The following PTCHD4 variants were observed in gnomAD, a reference collection of about 807,000 sequenced individuals.
The protein encoded by PTCHD4 is patched domain containing 4.
In PTCHD4, 33 loss-of-function variants were observed where a neutral mutation model predicts 58.1. That is an observed-to-expected ratio of 0.57 (90% CI 0.43 to 0.76). The LOEUF is 0.76. PTCHD4 is among the 30% of genes least tolerant of loss of function. The pLI is 0.00. For synonymous variants in PTCHD4, 478 were observed against 409.6 expected (o/e 1.17, Z -2.02); for missense variants, 1,058 against 1,027.1 (o/e 1.03, Z -0.41).
chr6:47,958,578 G>A (rs1766958478), intron 4 of PTCHD4, among the ~76,000 whole-genome samples: 1 of 152,182 alleles, frequency 6.6e-6, no homozygotes, highest in African/African-American at 2.4e-5. Flanking sequence ...TTGAGACGGA[G>A]CTGAGGGTGT....
intron 3 of PTCHD4, among the ~76,000 whole-genome samples, chr6:48,016,381 A>G (rs1762870889): frequency 6.6e-6 from 1 of 152,058 alleles, no homozygotes; most frequent in Non-Finnish European, 1.5e-5. Context: ...ATTTACTTTC[A>G]AAAGTTCTCA....
At chr6:47,970,539 A>G (rs2113986721) in intron 4 of PTCHD4, among the ~76,000 whole-genome samples, 1 of 152,092 alleles carries the variant, frequency 6.6e-6, no homozygotes, top group East Asian at 1.9e-4. Flanking sequence ...AGGCAGTTAG[A>G]CCCATGGGTA....
intron 4 of PTCHD4, among the ~76,000 whole-genome samples, chr6:47,948,303 A>G (rs777925625): frequency 1.3e-5 from 2 of 152,210 alleles, no homozygotes; most frequent in Non-Finnish European, 2.9e-5. Context: ...CAAAGCCAGC[A>G]ATGACGAGAG....
intron 3 of PTCHD4, among the ~76,000 whole-genome samples, chr6:48,038,943 T>C (rs1474009742): frequency 1.3e-5 from 2 of 152,172 alleles, no homozygotes; most frequent in African/African-American, 4.8e-5. Flanking sequence ...ACTTATTCTG[T>C]AGGTGTGAAT....
rs1293868536 is a variant in PTCHD4, at chr6:48,068,031, G to T, written c.417+199C>A. Among the ~76,000 whole-genome samples the T allele has an allele frequency of 6.6e-6, 1 of 151,982 alleles. No individual in the cohort carries two copies. Among genetic ancestry groups the T allele is most frequent in the Non-Finnish European group, 1.5e-5 (1 of 68,004 alleles). On this transcript the variant is annotated intron_variant, in intron 3 of 4. Coordinates refer to ENST00000339488, the MANE Select transcript of PTCHD4 (RefSeq NM_001384253.1). This position sits in a 1 kb window ranked among gnomAD's most constrained non-coding sequence, Gnocchi z 4.2. ...AAATGAAGTGCTGCCTCTTTAATTG[G>T]CAGAAGCATGCAGAAGGAGCATACC...
intron 4 of PTCHD4, among the ~76,000 whole-genome samples, chr6:47,962,690 T>G (rs765433213): frequency 5.5e-4 from 84 of 152,146 alleles, no homozygotes; most frequent in Non-Finnish European, 1.8e-4. Context: ...TCAGCCATGC[T>G]GAACTGTGAG....
rs75982169 is a variant in PTCHD4 at position 47,878,103 on chromosome 6, G to T, written c.*200C>A. On this transcript the variant is annotated 3_prime_UTR_variant, in exon 5 of 5. Coordinates refer to ENST00000339488, the MANE Select transcript of PTCHD4 (RefSeq NM_001384253.1). The stretch of plus-strand genomic sequence containing the variant: ...AAACTTGTTTTTAGAGGAGAACAAG[G>T]TTGCAAATAACTTTTTCCTCTTTTT... 4.8e-3 allele frequency: 2,344 copies of T among 486,520 alleles called. 53 individuals are homozygous for T. Among genetic ancestry groups the T allele is most frequent in the African/African-American group, 0.042 (2,148 of 50,626 alleles). The allele number at this position is 486,520 out of a possible 1,614,324, so 30.1% of individuals were successfully genotyped here.
chr6:47,913,726 C>A (rs1765140468), intron 4 of PTCHD4, among the ~76,000 whole-genome samples: 1 of 152,078 alleles, frequency 6.6e-6, no homozygotes, highest in Non-Finnish European at 1.5e-5. Flanking sequence ...TTTCAAGGCT[C>A]CAGTTATTTC....
At chr6:47,947,416 C>T (rs111658521) in intron 4 of PTCHD4, among the ~76,000 whole-genome samples, 5,062 of 152,046 alleles carry the variant, frequency 0.033, 151 homozygotes, top group African/African-American at 0.075. Flanking sequence ...GTATCTCACA[C>T]CTTCCTTTTG....
At chr6:47,947,394 A>G (rs1408093913) in intron 4 of PTCHD4, among the ~76,000 whole-genome samples, 2 of 151,796 alleles carry the variant, frequency 1.3e-5, no homozygotes, top group South Asian at 4.1e-4. Flanking sequence ...TCTTTTATTC[A>G]TGTTTCTTTT....
At chr6:47,938,938 T>C (rs888038781) in intron 4 of PTCHD4, among the ~76,000 whole-genome samples, 1 of 151,810 alleles carries the variant, frequency 6.6e-6, no homozygotes, top group Non-Finnish European at 1.5e-5. Context: ...GTACTGGAGG[T>C]CACAGTCGAG....
At chr6:47,966,799 G>A (rs922319092) in intron 4 of PTCHD4, among the ~76,000 whole-genome samples, 2 of 152,128 alleles carry the variant, frequency 1.3e-5, no homozygotes, top group African/African-American at 4.8e-5. Flanking sequence ...TGAGGTTGCA[G>A]CAATTCAGTC....
At chr6:48,032,111 T>A (rs1562017251) in intron 3 of PTCHD4, among the ~76,000 whole-genome samples, 1 of 151,762 alleles carries the variant, frequency 6.6e-6, no homozygotes, top group Admixed American at 6.6e-5. Flanking sequence ...TATAAAGCAA[T>A]GACACATTGT....
At chr6:48,033,572 C>T (rs776721042) in intron 3 of PTCHD4, among the ~76,000 whole-genome samples, 9 of 151,650 alleles carry the variant, frequency 5.9e-5, no homozygotes, top group Admixed American at 6.6e-5. Flanking sequence ...TATGTATGGC[C>T]TTTTTCACAG....
At chr6:48,071,499 T>G (rs1416508719) in intron 1 of PTCHD4, among the ~76,000 whole-genome samples, 1 of 152,210 alleles carries the variant, frequency 6.6e-6, no homozygotes, top group African/African-American at 2.4e-5. Context: ...GATGGGATTG[T>G]GGGTGAACTT....
intron 4 of PTCHD4, among the ~76,000 whole-genome samples, chr6:47,949,339 G>C (rs952643046): frequency 1.3e-5 from 2 of 152,122 alleles, no homozygotes; most frequent in African/African-American, 4.8e-5. Context: ...CAGAGTAAGG[G>C]GAAAGCATTA....
intron 3 of PTCHD4, among the ~76,000 whole-genome samples, chr6:48,043,938 A>G (rs905776803): frequency 3.3e-5 from 5 of 151,880 alleles, no homozygotes; most frequent in Non-Finnish European, 5.9e-5. Flanking sequence ...AATTGCCTGC[A>G]GTATATGAGA....
chr6:47,908,805 C>T (rs1165989958), intron 4 of PTCHD4, among the ~76,000 whole-genome samples: 1 of 152,124 alleles, frequency 6.6e-6, no homozygotes. Context: ...CATATCTTTC[C>T]TACTAACTAT....
At chr6:47,956,916 C>A (rs1462761803) in intron 4 of PTCHD4, among the ~76,000 whole-genome samples, 2 of 151,998 alleles carry the variant, frequency 1.3e-5, no homozygotes, top group Non-Finnish European at 2.9e-5. Flanking sequence ...GTAATCCTAG[C>A]ACTTTGGGAG....
Sources: allele counts gnomAD v4.1 joint callset (sites outside exome capture counted in the v4.1 genomes callset), GRCh38; gene constraint gnomAD v4.1.1; non-coding constraint Gnocchi (gnomAD v3.1); transcripts MANE v1.5; gene names NCBI Gene and HGNC (gene_info 2026-07-23, HGNC 2026-07-21).